Variants in DACH2 observed in about 807,000 individuals in gnomAD.
The protein encoded by DACH2 is dachshund homolog 2.
A neutral mutation model predicts 35.8 loss-of-function variants in DACH2; 17 were observed. The observed-to-expected ratio is 0.48, with a 90% CI of 0.33 to 0.71. The LOEUF (loss-of-function observed/expected upper bound fraction) is 0.71, where lower values mean the gene tolerates loss of function less well. Ranked by LOEUF, DACH2 falls within the 30% of genes least tolerant of loss-of-function variation. The pLI, the probability that DACH2 is intolerant of heterozygous loss-of-function variation, is 0.02. For synonymous variants in DACH2, 195 were observed against 177.3 expected (o/e 1.10, Z -0.79); for missense variants, 469 against 472.7 (o/e 0.99, Z 0.07).
chrX:86,161,172 G>C (rs763297491), intron 1 of DACH2: 57 of 1,157,284 alleles, frequency 4.9e-5, no homozygotes, highest in Non-Finnish European at 6.5e-5. Context: ...CTGGCTGCAG[G>C]GTGGCTCAGT....
At chrX:86,416,171 T>G (rs2036700463) in intron 2 of DACH2, among the ~76,000 whole-genome samples, 2 of 112,446 alleles carry the variant, frequency 1.8e-5, no homozygotes, top group Non-Finnish European at 3.8e-5. Flanking sequence ...TTCTTTTGTA[T>G]CTGAAATTAA....
chrX:86,655,601 A>G (rs761791370), intron 4 of DACH2, among the ~76,000 whole-genome samples: 2 of 111,556 alleles, frequency 1.8e-5, no homozygotes, highest in South Asian at 7.5e-4. Context: ...ACAAAATTCA[A>G]TTTCATATAT....
chrX:86,334,942 A>T (rs1170617037), intron 1 of DACH2, among the ~76,000 whole-genome samples: 1 of 112,022 alleles, frequency 8.9e-6, no homozygotes, highest in Non-Finnish European at 1.9e-5. Context: ...TGTATAAGGT[A>T]TAAGGAAGGG....
intron 1 of DACH2, among the ~76,000 whole-genome samples, chrX:86,319,488 A>G: frequency 8.9e-6 from 1 of 111,924 alleles, no homozygotes; most frequent in East Asian, 2.8e-4. Flanking sequence ...GATACAGATA[A>G]AGTATGACTC....
intron 1 of DACH2, among the ~76,000 whole-genome samples, chrX:86,285,598 C>T (rs2034128004): frequency 9.0e-6 from 1 of 111,384 alleles, no homozygotes; most frequent in African/African-American, 3.3e-5. Flanking sequence ...CTTTTTTTTA[C>T]AATGATCCAC....
chrX:86,678,939 A>C (rs1192148490), intron 4 of DACH2, among the ~76,000 whole-genome samples: 1 of 111,312 alleles, frequency 9.0e-6, no homozygotes, highest in South Asian at 3.8e-4. Context: ...AGACAAAACT[A>C]TGGAGCTGCC....
At chrX:86,450,630 T>A (rs1197904497) in intron 2 of DACH2, among the ~76,000 whole-genome samples, 1 of 110,779 alleles carries the variant, frequency 9.0e-6, no homozygotes, top group Admixed American at 9.7e-5. Flanking sequence ...TGGTTTTAGG[T>A]CTTTGGGGAA....
intron 1 of DACH2, among the ~76,000 whole-genome samples, chrX:86,161,666 G>T (rs2030762094): frequency 1.8e-5 from 2 of 112,122 alleles, no homozygotes; most frequent in African/African-American, 6.5e-5. Flanking sequence ...CCTGTCAAGA[G>T]CAGTCATTTT....
intron 1 of DACH2, among the ~76,000 whole-genome samples, chrX:86,179,924 T>A (rs2031421835): frequency 9.2e-6 from 1 of 108,846 alleles, no homozygotes; most frequent in South Asian, 3.9e-4. Context: ...GTCCCCTTAC[T>A]GAGGGATTCA....
chrX:86,345,101 C>T (rs957317345), intron 1 of DACH2, among the ~76,000 whole-genome samples: 2 of 111,773 alleles, frequency 1.8e-5, no homozygotes, highest in Non-Finnish European at 3.8e-5. Context: ...TATAAGATTT[C>T]TCTTTTTTTC....
intron 2 of DACH2, among the ~76,000 whole-genome samples, chrX:86,383,395 G>C (rs1336237384): frequency 9.3e-6 from 1 of 107,034 alleles, no homozygotes; most frequent in Non-Finnish European, 1.9e-5. Flanking sequence ...TTGAGGCGTT[G>C]ATACATCTCT....
intron 2 of DACH2, among the ~76,000 whole-genome samples, chrX:86,436,190 A>T (rs1490465310): frequency 1.8e-5 from 2 of 110,946 alleles, no homozygotes; most frequent in East Asian, 2.8e-4. Context: ...CTATTAAAAA[A>T]TTTGAAGTTA....
intron 3 of DACH2, among the ~76,000 whole-genome samples, chrX:86,637,205 C>A (rs866994429): frequency 8.6e-4 from 3 of 3,491 alleles, no homozygotes; most frequent in East Asian, 3.9e-3. Context: ...TACTGAAAAG[C>A]CAAAAAAAAA....
chrX:86,467,910 G>T (rs967778772), intron 2 of DACH2, among the ~76,000 whole-genome samples: 2 of 111,304 alleles, frequency 1.8e-5, no homozygotes, highest in African/African-American at 6.5e-5. Context: ...GAAGAGCACG[G>T]AGGTAAATGG....
intron 1 of DACH2, among the ~76,000 whole-genome samples, chrX:86,250,997 T>C (rs1413642227): frequency 1.8e-5 from 2 of 111,153 alleles, no homozygotes; most frequent in Non-Finnish European, 3.8e-5. Context: ...GGAGCTGCAA[T>C]TGAGGTTTCC....
chrX:86,433,829 G>C (rs1305447586), intron 2 of DACH2, among the ~76,000 whole-genome samples: 1 of 111,534 alleles, frequency 9.0e-6, no homozygotes, highest in Non-Finnish European at 1.9e-5. Context: ...TAAGAAAGAA[G>C]GCCCAAGCAT....
chrX:86,622,126 G>T (rs1312091985), intron 3 of DACH2, among the ~76,000 whole-genome samples: 3 of 111,323 alleles, frequency 2.7e-5, no homozygotes, highest in African/African-American at 9.8e-5. Context: ...TTTGCTAAAT[G>T]CCAAAGTAAT....
intron 3 of DACH2, among the ~76,000 whole-genome samples, chrX:86,546,345 T>TTCC (rs1190588426): frequency 3.3e-4 from 25 of 75,146 alleles, no homozygotes; most frequent in African/African-American, 1.4e-3. Flanking sequence ...CTTCCTCTTC[T>TTCC]TCTTCTTCTT....
intron 1 of DACH2, among the ~76,000 whole-genome samples, chrX:86,183,623 G>A (rs1313913509): frequency 1.8e-5 from 2 of 111,628 alleles, no homozygotes; most frequent in African/African-American, 6.5e-5. Flanking sequence ...CAGGGATATT[G>A]GCCTGAAATT....
Sources: allele counts gnomAD v4.1 joint callset (sites outside exome capture counted in the v4.1 genomes callset), GRCh38; gene constraint gnomAD v4.1.1; transcripts MANE v1.5; gene names NCBI Gene and HGNC (gene_info 2026-07-23, HGNC 2026-07-21).